Variants in PKP2 observed in about 807,000 individuals in gnomAD.
PKP2 encodes plakophilin 2, also known as plakophilin-2.
A neutral mutation model predicts 83.4 loss-of-function variants in PKP2; 73 were observed. The ratio of observed to expected loss-of-function variants is 0.88; its 90% CI spans 0.72 to 1.06. The LOEUF (loss-of-function observed/expected upper bound fraction) is 1.06, where lower values mean the gene tolerates loss of function less well. Ranked by LOEUF, PKP2 falls within the 50% of genes least tolerant of loss-of-function variation. The pLI is 0.00. For synonymous variants in PKP2, 409 were observed against 430.4 expected (o/e 0.95, Z 0.62); for missense variants, 966 against 1,065.4 (o/e 0.91, Z 1.30).
At chr12:32,823,435 A>C (rs1956402700) in intron 7 of PKP2, among the ~76,000 whole-genome samples, 1 of 151,678 alleles carries the variant, frequency 6.6e-6, no homozygotes, top group Admixed American at 6.6e-5. Flanking sequence ...AAAAAAAAAA[A>C]AAAAAAGGAT....
intron 5 of PKP2, 113 bp from the exon 6 acceptor site, chr12:32,841,318 TG>T: frequency 1.3e-6 from 1 of 791,174 alleles, no homozygotes; most frequent in South Asian, 1.4e-5. Flanking sequence ...TAAAAAAATT[TG>T]GGGGGTTGGG....
chr12:32,847,155 T>C (rs542408628), intron 5 of PKP2, among the ~76,000 whole-genome samples: 3 of 152,338 alleles, frequency 2.0e-5, no homozygotes, highest in Admixed American at 1.3e-4. Context: ...ATACTTACTT[T>C]CTTTGTGTTT....
chr12:32,807,784 T>C (rs1294808078), intron 9 of PKP2, among the ~76,000 whole-genome samples: 1 of 152,218 alleles, frequency 6.6e-6, no homozygotes, highest in Non-Finnish European at 1.5e-5. Context: ...CTTTTGTTTA[T>C]GAAGGTTAGT....
intron 5 of PKP2, among the ~76,000 whole-genome samples, chr12:32,842,685 T>C (rs1182229976): frequency 6.6e-6 from 1 of 151,918 alleles, no homozygotes; most frequent in African/African-American, 2.4e-5. Flanking sequence ...ACTTCTTTTT[T>C]CTCCCCCGAG....
intron 3 of PKP2, among the ~76,000 whole-genome samples, chr12:32,875,916 T>C (rs1025256085): frequency 6.6e-6 from 1 of 152,134 alleles, no homozygotes; most frequent in South Asian, 2.1e-4. Flanking sequence ...AAGGATGGAA[T>C]TGCAGACAAA....
At chr12:32,806,982 C>G (rs1956231517) in intron 9 of PKP2, among the ~76,000 whole-genome samples, 1 of 152,150 alleles carries the variant, frequency 6.6e-6, no homozygotes, top group South Asian at 2.1e-4. Context: ...AATTCAGGAG[C>G]AGGCTGTTCA....
chr12:32,876,994 T>A (rs1181523962), intron 3 of PKP2, among the ~76,000 whole-genome samples: 2 of 152,254 alleles, frequency 1.3e-5, no homozygotes, highest in African/African-American at 4.8e-5. Context: ...TGCTACCTGG[T>A]CAGTGAGCAT....
chr12:32,865,558 T>C (rs914625473), intron 4 of PKP2, among the ~76,000 whole-genome samples: 1 of 151,226 alleles, frequency 6.6e-6, no homozygotes, highest in African/African-American at 2.4e-5. Context: ...TGGTGACACA[T>C]GCCTATAATC....
intron 9 of PKP2, among the ~76,000 whole-genome samples, chr12:32,815,283 A>T (rs1442597915): frequency 1.3e-5 from 2 of 152,186 alleles, no homozygotes; most frequent in Non-Finnish European, 2.9e-5. Context: ...ATGTTCAAAC[A>T]TCTTAGTATG....
intron 11 of PKP2, among the ~76,000 whole-genome samples, chr12:32,795,454 C>T (rs1956111746): frequency 6.6e-6 from 1 of 151,842 alleles, no homozygotes; most frequent in South Asian, 2.1e-4. Context: ...GATCACGGCT[C>T]ATTGCAACCT....
At chr12:32,892,818 C>CGGGG (rs574559982) in intron 1 of PKP2, among the ~76,000 whole-genome samples, 72 of 20,036 alleles carry the variant, frequency 3.6e-3, no homozygotes, top group South Asian at 0.014. Context: ...GGGGTGGGGG[C>CGGGG]GGGGGGGGGG....
chr12:32,813,221 A>G (rs1956292254), intron 9 of PKP2, among the ~76,000 whole-genome samples: 1 of 152,326 alleles, frequency 6.6e-6, no homozygotes. Flanking sequence ...CCAAACAACC[A>G]AACAAATGGA....
chr12:32,839,247 G>A (rs566311590), intron 6 of PKP2, among the ~76,000 whole-genome samples: 2 of 152,156 alleles, frequency 1.3e-5, no homozygotes, highest in African/African-American at 2.4e-5. Flanking sequence ...TGCTATAAAA[G>A]GAGGTATCTG....
intron 4 of PKP2, among the ~76,000 whole-genome samples, chr12:32,854,566 C>T (rs775412132): frequency 7.9e-4 from 120 of 152,266 alleles, no homozygotes; most frequent in Non-Finnish European, 1.4e-3. Flanking sequence ...TGTCCCTTAA[C>T]GTTCAGGGAA....
chr12:32,822,516 T>C lies in PKP2; in HGVS notation c.1790A>G (p.Asn597Ser). The C allele has an allele frequency of 1.2e-6, 2 of 1,614,206 alleles. No individual in the cohort carries two copies. The highest frequency in any genetic ancestry group is 1.7e-6 in the Non-Finnish European group (2 of 1,180,030). Reference protein sequence around the residue: ...YIQNRNIQTDNNKSIGCFGSR... With the variant: ...YIQNRNIQTDSNKSIGCFGSR... ...GCCAAAACATCCAATACTTTTGTTGTTGTCAGTCTGGATATTCCGGTTTTG... is the reference window on the plus strand; with the variant it reads ...GCCAAAACATCCAATACTTTTGTTGCTGTCAGTCTGGATATTCCGGTTTTG... Residue 597 changes from asparagine to serine, a missense_variant, in exon 8 of 13, where the codon AAC becomes AGC. Transcript: ENST00000340811.
At chr12:32,835,627 A>G (rs1298193427) in intron 6 of PKP2, among the ~76,000 whole-genome samples, 1 of 152,218 alleles carries the variant, frequency 6.6e-6, no homozygotes, top group African/African-American at 2.4e-5. Flanking sequence ...TGTCCAAGAA[A>G]ACAAAGGAAT....
intron 6 of PKP2, among the ~76,000 whole-genome samples, chr12:32,839,105 G>A (rs1286707525): frequency 2.6e-5 from 4 of 152,110 alleles, no homozygotes; most frequent in Non-Finnish European, 5.9e-5. Context: ...GAAAAAAGGT[G>A]GTAATGAAGG....
Position 32,841,103 on chromosome 12 carries a change from C to G in PKP2, c.1481G>C (p.Trp494Ser). ...TENIIIPFSG[W>S]PEGDYPKANG... is the part of the protein sequence containing the mutation. Reference sequence around the variant, plus strand: ...TGCTTTTGGGTAGTCTCCTTCAGGCCACCCAGAAAAGGGGATGATGATATT... The same window carrying G: ...TGCTTTTGGGTAGTCTCCTTCAGGCGACCCAGAAAAGGGGATGATGATATT... Residue 494 changes from tryptophan to serine, a missense_variant, in exon 6 of 13, where the codon TGG (tryptophan) becomes TCG (serine). Coordinates refer to ENST00000340811, the MANE Select transcript of PKP2 (RefSeq NM_001005242.3). The G allele has an allele frequency of 6.2e-7, 1 of 1,613,054 alleles. No homozygotes were observed. Among genetic ancestry groups the G allele is most frequent in the Non-Finnish European group, 8.5e-7 (1 of 1,179,096 alleles).
intron 10 of PKP2, among the ~76,000 whole-genome samples, chr12:32,798,167 C>A (rs963328469): frequency 6.9e-6 from 1 of 145,290 alleles, no homozygotes; most frequent in Non-Finnish European, 1.5e-5. Flanking sequence ...TCACTGCAAC[C>A]TCCGCCTCCC....
Sources: gnomAD v4.1 joint callset for allele counts (sites outside exome capture counted in the v4.1 genomes callset) on GRCh38, gnomAD v4.1.1 for gene constraint, MANE v1.5 for transcripts, NCBI Gene and HGNC (gene_info 2026-07-23, HGNC 2026-07-21) for gene names.